KCNJ3: variants seen among roughly 807,000 people sequenced by gnomAD.
KCNJ3 encodes potassium inwardly rectifying channel subfamily J member 3.
KCNJ3 carries 4 observed loss-of-function variants against 39.2 expected under a neutral mutation model. That is an observed-to-expected ratio of 0.10 (90% confidence interval 0.05 to 0.23). The LOEUF (loss-of-function observed/expected upper bound fraction) is 0.23, where lower values mean the gene tolerates loss of function less well. Ranked by LOEUF, KCNJ3 falls within the 10% of genes least tolerant of loss-of-function variation. KCNJ3 has a pLI of 1.00. For missense variants in KCNJ3, 276 were observed against 634.9 expected (o/e 0.43, Z 6.08); for synonymous variants, 230 against 237.4 (o/e 0.97, Z 0.29).
chr2:154,756,742 C>T (rs1685943529), intron 2 of KCNJ3, among the ~76,000 whole-genome samples: 1 of 151,742 alleles, frequency 6.6e-6, no homozygotes, highest in Non-Finnish European at 1.5e-5. Flanking sequence ...CACATGTACC[C>T]CGGAACTTAA....
chr2:154,751,601 T>C (rs1400689894), intron 2 of KCNJ3, among the ~76,000 whole-genome samples: 2 of 152,126 alleles, frequency 1.3e-5, no homozygotes, highest in African/African-American at 2.4e-5. Context: ...TCTCATAATA[T>C]GTAATACAAT....
chr2:154,746,457 A>G (rs1685744259), intron 2 of KCNJ3, among the ~76,000 whole-genome samples: 1 of 151,604 alleles, frequency 6.6e-6, no homozygotes, highest in African/African-American at 2.4e-5. Flanking sequence ...GGCAATGTAA[A>G]TAGGTGTTAT....
intron 2 of KCNJ3, among the ~76,000 whole-genome samples, chr2:154,824,003 A>G (rs1399226083): frequency 6.6e-6 from 1 of 152,142 alleles, no homozygotes; most frequent in Non-Finnish European, 1.5e-5. Flanking sequence ...TCCCTTTGCA[A>G]TGAGAAATTG....
chr2:154,788,681 T>C (rs1039309550), intron 2 of KCNJ3, among the ~76,000 whole-genome samples: 1 of 152,096 alleles, frequency 6.6e-6, no homozygotes, highest in Non-Finnish European at 1.5e-5. Flanking sequence ...CTTTTTAAAA[T>C]ACTGATCTAA....
intron 2 of KCNJ3, among the ~76,000 whole-genome samples, chr2:154,851,409 C>T (rs1687753567): frequency 1.3e-5 from 2 of 152,206 alleles, no homozygotes; most frequent in South Asian, 4.1e-4. Context: ...TATTATAGAA[C>T]AATAAATCAC....
chr2:154,764,755 A>C (rs1467823119), intron 2 of KCNJ3, among the ~76,000 whole-genome samples: 1 of 151,964 alleles, frequency 6.6e-6, no homozygotes, highest in Admixed American at 6.6e-5. Context: ...AAAGTGTATA[A>C]ATTTGTGTTG....
chr2:154,735,274 C>CTTTTTTTTTTT (rs11315316), intron 2 of KCNJ3, among the ~76,000 whole-genome samples: 1 of 143,238 alleles, frequency 7.0e-6, no homozygotes, highest in African/African-American at 2.6e-5. Flanking sequence ...TTCTTTCTTT[C>CTTTTTTTTTTT]TTTTTTTTTT....
chr2:154,787,171 T>C lies in KCNJ3; in HGVS notation c.920-67556T>C, dbSNP rs150815227. Reference sequence around the variant, plus strand: ...GAAAAGAACTTTTAATATTCTGTTGTGGAATTATGGCTCTCTTTCATCCTC... The same window carrying C: ...GAAAAGAACTTTTAATATTCTGTTGCGGAATTATGGCTCTCTTTCATCCTC... On this transcript the variant is annotated intron_variant, in intron 2 of 2. Transcript: ENST00000295101. 5.7e-4 allele frequency among the ~76,000 whole-genome samples: 87 copies of C among 152,318 alleles called. 1 individual carries two copies. The East Asian group carries it at 0.013, about 24-fold the overall frequency.
rs189602011 is a variant in KCNJ3, at chr2:154,758,076, G to T, written c.919+48257G>T. On this transcript the variant is annotated intron_variant, in intron 2 of 2. Coordinates refer to ENST00000295101, the MANE Select transcript of KCNJ3 (RefSeq NM_002239.4). The stretch of plus-strand genomic sequence containing the variant: ...TTGGACATAATTTCTACTAGATAAG[G>T]TTCCTTTATTTCAGGCATTTTAAAA... Among the ~76,000 whole-genome samples the T allele has an allele frequency of 9.2e-5, 14 of 152,130 alleles. No individual in the cohort carries two copies. The East Asian group carries it at 9.6e-4, about 10-fold the overall frequency.
chr2:154,759,044 G>A (rs921233337), intron 2 of KCNJ3, among the ~76,000 whole-genome samples: 3 of 152,148 alleles, frequency 2.0e-5, no homozygotes, highest in Non-Finnish European at 4.4e-5. Flanking sequence ...AAATAAAATG[G>A]TTGGTGGAAA....
At chr2:154,769,667 C>G (rs930056881) in intron 2 of KCNJ3, among the ~76,000 whole-genome samples, 3 of 152,044 alleles carry the variant, frequency 2.0e-5, no homozygotes, top group Non-Finnish European at 4.4e-5. Flanking sequence ...TGTGTCTATG[C>G]CAGGCTTTGG....
rs563924100 is a variant in KCNJ3, at chr2:154,809,095, A to G, written c.920-45632A>G. On this transcript the variant is annotated intron_variant, in intron 2 of 2. Transcript: ENST00000295101. Reference sequence around the variant, plus strand: ...GTTTGGCTAATCAGCTTGGAATAGTAACAGTTTTCCTGACCCCTCCCCACC... The same window carrying G: ...GTTTGGCTAATCAGCTTGGAATAGTGACAGTTTTCCTGACCCCTCCCCACC... Among the ~76,000 whole-genome samples, 17 of 152,238 alleles carry G rather than the reference A, an allele frequency of 1.1e-4. No homozygotes were observed. The East Asian group carries it at 2.1e-3, about 19-fold the overall frequency.
At chr2:154,749,011 G>A (rs1217411616) in intron 2 of KCNJ3, among the ~76,000 whole-genome samples, 1 of 152,116 alleles carries the variant, frequency 6.6e-6, no homozygotes, top group Non-Finnish European at 1.5e-5. Flanking sequence ...TCCAACATCA[G>A]CAGATATTAT....
chr2:154,755,146 G>A (rs1349048453), intron 2 of KCNJ3, among the ~76,000 whole-genome samples: 1 of 151,900 alleles, frequency 6.6e-6, no homozygotes, highest in Admixed American at 6.6e-5. Context: ...CATCAGCATT[G>A]CTAGAGAGTT....
Position 154,855,180 on chromosome 2 carries a change from T to C in KCNJ3, c.1373T>C (p.Met458Thr), listed in dbSNP as rs774966042. Reference sequence around the variant, plus strand: ...AAACTGGTATCTAAAACCACCAAGATGTTATCTGATCCCATGAGCCAGTCT... The same window carrying C: ...AAACTGGTATCTAAAACCACCAAGACGTTATCTGATCCCATGAGCCAGTCT... Reference protein sequence around the residue: ...EEKLVSKTTKMLSDPMSQSVA... With the variant: ...EEKLVSKTTKTLSDPMSQSVA... Residue 458 changes from methionine to threonine, a missense_variant, in exon 3 of 3, where the codon ATG (methionine) becomes ACG (threonine). Transcript: ENST00000295101. 3 of 1,613,640 alleles carry C rather than the reference T, an allele frequency of 1.9e-6. No homozygotes were observed. Among genetic ancestry groups the C allele is most frequent in the Non-Finnish European group, 8.5e-7 (1 of 1,179,910 alleles).
At chr2:154,726,792 T>TACAC (rs1421883511) in intron 2 of KCNJ3, among the ~76,000 whole-genome samples, 138 of 101,380 alleles carry the variant, frequency 1.4e-3, no homozygotes, top group African/African-American at 5.3e-3. Context: ...ACATTTTATA[T>TACAC]ACATACACAC....
chr2:154,734,760 A>C (rs1685497373), intron 2 of KCNJ3, among the ~76,000 whole-genome samples: 1 of 152,178 alleles, frequency 6.6e-6, no homozygotes, highest in African/African-American at 2.4e-5. Context: ...AGAATGAAAA[A>C]AACATTGAGA....
In KCNJ3 at chr2:154,816,602, T is replaced by G. The variant is rs368347674; in HGVS notation, c.920-38125T>G. Among the ~76,000 whole-genome samples, 102 of 152,298 alleles carry G rather than the reference T, an allele frequency of 6.7e-4. 1 individual carries two copies. In the South Asian group the frequency reaches 8.3e-3, roughly 12 times the overall value. ...CATAATAAAAGTTATACATATGGTG[T>G]TTAATACATACAAATAATTATATAT... On this transcript the variant is annotated intron_variant, in intron 2 of 2. Coordinates refer to ENST00000295101, the MANE Select transcript of KCNJ3 (RefSeq NM_002239.4).
intron 2 of KCNJ3, among the ~76,000 whole-genome samples, chr2:154,711,079 A>G (rs1685095481): frequency 6.6e-6 from 1 of 152,126 alleles, no homozygotes; most frequent in Non-Finnish European, 1.5e-5. Context: ...AAGGGCAGTG[A>G]AAAAAGATTT....
Sources: allele counts gnomAD v4.1 joint callset (sites outside exome capture counted in the v4.1 genomes callset), GRCh38; gene constraint gnomAD v4.1.1; transcripts MANE v1.5; gene names NCBI Gene and HGNC (gene_info 2026-07-23, HGNC 2026-07-21).